The following TCP10L variants were observed in gnomAD, a reference collection of about 807,000 sequenced individuals.
TCP10L encodes the protein t-complex 10 like.
Under a neutral mutation model 19.2 loss-of-function variants are expected in TCP10L, and 11 were observed. That is an observed-to-expected ratio of 0.57 (90% CI 0.36 to 0.95). TCP10L has a LOEUF of 0.95. Among genes scored for constraint, TCP10L ranks in the 40% least tolerant of loss-of-function variants. The pLI, the probability that TCP10L is intolerant of heterozygous loss-of-function variation, is 0.01. For missense variants in TCP10L, 247 were observed against 263.9 expected (o/e 0.94, Z 0.44); for synonymous variants, 96 against 97.2 (o/e 0.99, Z 0.07).
Position 32,578,342 on chromosome 21 carries a change from C to T in TCP10L, c.498+352G>A, listed in dbSNP as rs530853426. Reference sequence around the variant, plus strand: ...CAGAAGCAGGGAGCACGGGAGGCTGCGAGCCCTCAGACTCACGGGTGGAGA... The same window carrying T: ...CAGAAGCAGGGAGCACGGGAGGCTGTGAGCCCTCAGACTCACGGGTGGAGA... On this transcript the variant is annotated intron_variant, in intron 4 of 4. Transcript: ENST00000300258. The surrounding 1 kb of genome is among the most constrained non-coding windows in gnomAD (Gnocchi z 4.2). Among the ~76,000 whole-genome samples, 3 of 152,354 alleles carry T rather than the reference C, an allele frequency of 2.0e-5. No homozygotes were observed. In the South Asian group the frequency reaches 6.2e-4, roughly 32 times the overall value.
chr21:32,581,638 C>T (rs1445470322), intron 3 of TCP10L, among the ~76,000 whole-genome samples: 3 of 152,170 alleles, frequency 2.0e-5, no homozygotes, highest in African/African-American at 4.8e-5. Context: ...GAGCCACACC[C>T]CCATCGCACA....
At position 32,576,161 on chromosome 21, in the gene TCP10L, GCC is replaced by G; in HGVS notation, c.*611_*612del. On this transcript the variant is annotated 3_prime_UTR_variant, in exon 5 of 5. Transcript: ENST00000300258. ...TCTGCTCACGCGTATCCACGAGAAA[GCC>G]CCGCATTTCACGGGGAGCATAGAAA... The G allele has an allele frequency of 9.4e-7, 1 of 1,061,214 alleles. No individual in the cohort carries two copies. The highest frequency in any genetic ancestry group is 1.4e-6 in the Non-Finnish European group (1 of 730,470). 65.7% of individuals were successfully genotyped at this position (1,061,214 alleles called of 1,614,324 possible). A position where few individuals can be genotyped will look rare whatever the true frequency, so the allele number is the denominator to read the frequency against.
Position 32,579,908 on chromosome 21 carries a change from C to G in TCP10L, c.361-1077G>C, listed in dbSNP as rs563432363. On this transcript the variant is annotated intron_variant, in intron 3 of 4. Coordinates refer to ENST00000300258, the MANE Select transcript of TCP10L (RefSeq NM_144659.7). ...CACTCTTCCTCTGACAGAGGAACAGCCTGCCCAGCTTCTGCTCTTCCTTCC... is the reference window on the plus strand; with the variant it reads ...CACTCTTCCTCTGACAGAGGAACAGGCTGCCCAGCTTCTGCTCTTCCTTCC... Among the ~76,000 whole-genome samples the G allele has an allele frequency of 2.1e-4, 32 of 152,306 alleles. No individual in the cohort carries two copies. The South Asian group carries it at 6.6e-3, about 32-fold the overall frequency.
chr21:32,576,846 C>G lies in TCP10L; in HGVS notation c.576G>C (p.Arg192Ser). ...GTGTTGCTCTTCTGTCTTGACGTCT[C>G]CTGGAAAGATTTTTATCTCTATTTT... is the stretch of plus-strand genomic sequence containing the variant. ...PQENRDKNLS[R>S]RRQDRRATPT... Residue 192 changes from arginine to serine, a missense_variant, in exon 5 of 5, where the codon AGG becomes AGC. By Grantham distance (110) the Arg-to-Ser change is moderately radical. Coordinates refer to ENST00000300258, the MANE Select transcript of TCP10L (RefSeq NM_144659.7). 1.9e-6 allele frequency: 3 copies of G among 1,614,174 alleles called. No individual in the cohort carries two copies. The highest frequency in any genetic ancestry group is 2.5e-6 in the Non-Finnish European group (3 of 1,180,024).
rs776304208 is a variant in TCP10L, at chr21:32,582,357, C to T, written c.203G>A (p.Trp68Ter). ...HQELGRQKSLWADVHGKLRSH... is the reference protein window; with the variant it reads ...HQELGRQKSL ...CCGGAGTTTTCCATGAACATCAGCC[C>T]ACAGAGACTTCTGTCTCCCAAGCTC... Residue 68 changes from tryptophan (W) to a stop codon, truncating the protein, a stop_gained, in exon 3 of 5, where the codon TGG (tryptophan) becomes TAG (stop). Transcript: ENST00000300258. LOFTEE classifies it high-confidence loss of function. This position sits in a 1 kb window ranked among gnomAD's most constrained non-coding sequence, Gnocchi z 4.2. 5.6e-6 allele frequency: 9 copies of T among 1,613,840 alleles called. No homozygotes were observed. Among genetic ancestry groups the T allele is most frequent in the Admixed American group, 1.7e-5 (1 of 59,964 alleles).
At chr21:32,577,018 A>G in intron 4 of TCP10L, 95 bp from the exon 5 acceptor site, 1 of 1,292,912 alleles carries the variant, frequency 7.7e-7, no homozygotes, top group Non-Finnish European at 1.1e-6. Flanking sequence ...CAGAATGTAG[A>G]TGATTCTACT....
rs2038534636 is a variant in TCP10L at position 32,584,344 on chromosome 21, C to T, written c.-1-39G>A. 8 of 1,596,150 alleles carry T rather than the reference C, an allele frequency of 5.0e-6. No individual in the cohort carries two copies. In the East Asian group the frequency reaches 1.6e-4, roughly 31 times the overall value. On this transcript the variant is annotated intron_variant, in intron 1 of 4. Coordinates refer to ENST00000300258, the MANE Select transcript of TCP10L (RefSeq NM_144659.7). ...GAAGGGCTATGGGGACACTTGAATG[C>T]AGCCCTCCTACCCCGTCAGTGTGGG...
rs2038511743 is a variant in TCP10L at position 32,582,859 on chromosome 21, C to A, written c.145-444G>T. ...CCACCTGCCTCGGCCTCCCAAAGTG[C>A]TGGGATTACAGGAATAAGCTACCAT... On this transcript the variant is annotated intron_variant, in intron 2 of 4. Coordinates refer to ENST00000300258, the MANE Select transcript of TCP10L (RefSeq NM_144659.7). This position sits in a 1 kb window ranked among gnomAD's most constrained non-coding sequence, Gnocchi z 4.2. 6.6e-6 allele frequency among the ~76,000 whole-genome samples: 1 copy of A among 151,858 alleles called. No homozygotes were observed. Among genetic ancestry groups the A allele is most frequent in the African/African-American group, 2.4e-5 (1 of 41,314 alleles).
intron 2 of TCP10L, 116 bp downstream of exon 2, chr21:32,584,045 G>A (rs976781656): frequency 2.3e-5 from 31 of 1,367,020 alleles, no homozygotes; most frequent in Middle Eastern, 2.7e-4. Flanking sequence ...TCAGTGTCCC[G>A]GGGTGGTGCA....
intron 2 of TCP10L, among the ~76,000 whole-genome samples, 169 bp downstream of exon 2, chr21:32,583,992 G>A (rs1200512642): frequency 6.6e-6 from 1 of 152,220 alleles, no homozygotes; most frequent in African/African-American, 2.4e-5. Context: ...TACGGTTGCA[G>A]AGGGGGAAAG....
chr21:32,584,362 A>G, intron 1 of TCP10L, 57 bp from the exon 2 acceptor site: 2 of 1,564,844 alleles, frequency 1.3e-6, no homozygotes, highest in Non-Finnish European at 1.7e-6. Context: ...CTACCCCGTC[A>G]GTGTGGGCTG....
At chr21:32,583,772 C>T (rs554575427) in intron 2 of TCP10L, among the ~76,000 whole-genome samples, 10 of 152,218 alleles carry the variant, frequency 6.6e-5, no homozygotes, top group African/African-American at 2.4e-4. Context: ...ACCCGTGGGA[C>T]TTTAATGACA....
Position 32,578,097 on chromosome 21 carries a change from C to A in TCP10L, c.498+597G>T, listed in dbSNP as rs1286723301. On this transcript the variant is annotated intron_variant, in intron 4 of 4. Coordinates refer to ENST00000300258, the MANE Select transcript of TCP10L (RefSeq NM_144659.7). This position sits in a 1 kb window ranked among gnomAD's most constrained non-coding sequence, Gnocchi z 4.2. ...TGTTCCTTGCCATCATTCTGGTAAA[C>A]CCACAACCTTCAGCGTGGGCATCAT... Among the ~76,000 whole-genome samples, 1 of 152,254 alleles carries A rather than the reference C, an allele frequency of 6.6e-6. No individual in the cohort carries two copies. Among genetic ancestry groups the A allele is most frequent in the African/African-American group, 2.4e-5 (1 of 41,466 alleles).
rs1220823366 is a variant in TCP10L at position 32,578,284 on chromosome 21, A to G, written c.498+410T>C. ...GCGCCACCCCTGTTCAGAGGAGTCCACGCCGACAAGCAGCAGGTGCAAGAC... is the reference window on the plus strand; with the variant it reads ...GCGCCACCCCTGTTCAGAGGAGTCCGCGCCGACAAGCAGCAGGTGCAAGAC... On this transcript the variant is annotated intron_variant, in intron 4 of 4. Transcript: ENST00000300258. This position sits in a 1 kb window ranked among gnomAD's most constrained non-coding sequence, Gnocchi z 4.2. Among the ~76,000 whole-genome samples, 1 of 152,216 alleles carries G rather than the reference A, an allele frequency of 6.6e-6. No individual in the cohort carries two copies. Among genetic ancestry groups the G allele is most frequent in the African/African-American group, 2.4e-5 (1 of 41,468 alleles).
At position 32,576,165 on chromosome 21, in the gene TCP10L, C is replaced by G. The variant is rs1304746041; in HGVS notation, c.*609G>C. 7.2e-6 allele frequency: 8 copies of G among 1,107,338 alleles called. No individual in the cohort carries two copies. The highest frequency in any genetic ancestry group is 1.5e-5 in the South Asian group (1 of 68,128). The allele number at this position is 1,107,338 out of a possible 1,614,324, so 68.6% of individuals were successfully genotyped here. ...CTCACGCGTATCCACGAGAAAGCCC[C>G]GCATTTCACGGGGAGCATAGAAACA... On this transcript the variant is annotated 3_prime_UTR_variant, in exon 5 of 5. Coordinates refer to ENST00000300258, the MANE Select transcript of TCP10L (RefSeq NM_144659.7).
At chr21:32,584,401 C>G in intron 1 of TCP10L, 96 bp from the exon 2 acceptor site, 1 of 1,468,992 alleles carries the variant, frequency 6.8e-7, no homozygotes, top group Non-Finnish European at 9.0e-7. Context: ...TAAGGGTGAG[C>G]AGGACCCGCA....
intron 3 of TCP10L, among the ~76,000 whole-genome samples, chr21:32,579,937 G>A (rs2038473563): frequency 6.6e-6 from 1 of 152,132 alleles, no homozygotes; most frequent in South Asian, 2.1e-4. Flanking sequence ...TCCTTCCGCA[G>A]AAGGACTCGG....
chr21:32,576,846 C>A lies in TCP10L; in HGVS notation c.576G>T (p.Arg192Ser). 6.2e-7 allele frequency: 1 copy of A among 1,614,174 alleles called. No individual in the cohort carries two copies. The highest frequency in any genetic ancestry group is 1.1e-5 in the South Asian group (1 of 91,076). ...PQENRDKNLS[R>S]RRQDRRATPT... is the part of the protein sequence containing the mutation. Reference sequence around the variant, plus strand: ...GTGTTGCTCTTCTGTCTTGACGTCTCCTGGAAAGATTTTTATCTCTATTTT... The same window carrying A: ...GTGTTGCTCTTCTGTCTTGACGTCTACTGGAAAGATTTTTATCTCTATTTT... The change falls in exon 5 of 5, where the codon AGG becomes AGT. Residue 192 changes from arginine to serine, a missense_variant. Coordinates refer to ENST00000300258, the MANE Select transcript of TCP10L (RefSeq NM_144659.7).
At chr21:32,583,133 C>T (rs765350857) in intron 2 of TCP10L, among the ~76,000 whole-genome samples, 20 of 140,422 alleles carry the variant, frequency 1.4e-4, no homozygotes, top group Non-Finnish European at 2.1e-4. Flanking sequence ...TTCCCAGATT[C>T]AAGCAACTCT....
Sources: allele counts gnomAD v4.1 joint callset (sites outside exome capture counted in the v4.1 genomes callset), GRCh38; gene constraint gnomAD v4.1.1; non-coding constraint Gnocchi (gnomAD v3.1); transcripts MANE v1.5; gene names NCBI Gene and HGNC (gene_info 2026-07-23, HGNC 2026-07-21).